PRKN: variants seen among roughly 807,000 people sequenced by gnomAD.
PRKN encodes E3 ubiquitin-protein ligase parkin.
PRKN carries 56 observed loss-of-function variants against 59.5 expected under a neutral mutation model. The ratio of observed to expected loss-of-function variants is 0.94; its 90% CI spans 0.76 to 1.18. The LOEUF is 1.18. Ranked by LOEUF, PRKN falls within the 50% of genes most tolerant of loss-of-function variation. The pLI, the probability that PRKN is intolerant of heterozygous loss-of-function variation, is 0.00. For missense variants in PRKN, 657 were observed against 596.4 expected (o/e 1.10, Z -1.06); for synonymous variants, 250 against 222.1 (o/e 1.13, Z -1.12).
At chr6:162,627,425 C>T (rs1235926604) in intron 1 of PRKN, among the ~76,000 whole-genome samples, 1 of 152,154 alleles carries the variant, frequency 6.6e-6, no homozygotes. Context: ...TTGTGAAGAG[C>T]TCTACGCTGC....
chr6:161,974,681 A>G (rs916629105), intron 5 of PRKN, among the ~76,000 whole-genome samples: 1 of 152,126 alleles, frequency 6.6e-6, no homozygotes, highest in Non-Finnish European at 1.5e-5. Flanking sequence ...GAAAAAAAAA[A>G]TACATATATT....
At chr6:161,915,387 CA>C (rs1323410051) in intron 6 of PRKN, among the ~76,000 whole-genome samples, 2 of 152,018 alleles carry the variant, frequency 1.3e-5, no homozygotes, top group Non-Finnish European at 2.9e-5. Context: ...ATTCTATGTA[CA>C]AAGAGAATCA....
chr6:161,813,580 C>G (rs987730035), intron 6 of PRKN, among the ~76,000 whole-genome samples: 4 of 152,144 alleles, frequency 2.6e-5, no homozygotes, highest in Admixed American at 6.5e-5. Context: ...GCCCCCACCC[C>G]CTATGCCCAT....
intron 5 of PRKN, among the ~76,000 whole-genome samples, chr6:162,025,424 C>T (rs1198530999): frequency 1.3e-5 from 2 of 151,860 alleles, no homozygotes; most frequent in African/African-American, 4.8e-5. Flanking sequence ...AGAAAGTGAG[C>T]CTTTTCTAAT....
At position 161,377,822 on chromosome 6, in the gene PRKN, G is replaced by C. The variant is rs905206586; in HGVS notation, c.1167+8972C>G. The stretch of plus-strand genomic sequence containing the variant: ...CCATGTGAGGGTATAGCTAGAAGAC[G>C]TCATCTACAAACCAAAAAGTGGTCC... On this transcript the variant is annotated intron_variant, in intron 10 of 11. Transcript: ENST00000366898. This position sits in a 1 kb window ranked among gnomAD's most constrained non-coding sequence, Gnocchi z 4.2. Among the ~76,000 whole-genome samples, 1 of 152,112 alleles carries C rather than the reference G, an allele frequency of 6.6e-6. No individual in the cohort carries two copies.
intron 6 of PRKN, among the ~76,000 whole-genome samples, chr6:161,914,435 T>C (rs9347564): frequency 0.061 from 9,288 of 152,208 alleles, 355 homozygotes; most frequent in South Asian, 0.15. Flanking sequence ...TGATTATCTC[T>C]GAGGATAGGG....
intron 2 of PRKN, among the ~76,000 whole-genome samples, chr6:162,297,180 T>C (rs1230079503): frequency 6.6e-6 from 1 of 151,538 alleles, no homozygotes; most frequent in Non-Finnish European, 1.5e-5. Flanking sequence ...TTTTCTTTTT[T>C]TTTTTTTTTG....
chr6:162,626,472 A>G (rs886780597), intron 1 of PRKN, among the ~76,000 whole-genome samples: 2 of 152,156 alleles, frequency 1.3e-5, no homozygotes, highest in Non-Finnish European at 2.9e-5. Flanking sequence ...CTTACATTTC[A>G]CAGATGAAAG....
At chr6:162,265,456 T>C (rs1172197045) in intron 2 of PRKN, among the ~76,000 whole-genome samples, 2 of 152,090 alleles carry the variant, frequency 1.3e-5, no homozygotes, top group African/African-American at 4.8e-5. Flanking sequence ...TTTGGGAGAC[T>C]GGGGTGGGCG....
chr6:161,682,930 G>A (rs953418622), intron 7 of PRKN, among the ~76,000 whole-genome samples: 5 of 152,170 alleles, frequency 3.3e-5, no homozygotes, highest in South Asian at 2.1e-4. Context: ...ACTGTCTCCC[G>A]GCAAGGCTGC....
At chr6:162,707,343 C>G (rs1252167469) in intron 1 of PRKN, among the ~76,000 whole-genome samples, 1 of 152,000 alleles carries the variant, frequency 6.6e-6, no homozygotes, top group Non-Finnish European at 1.5e-5. Flanking sequence ...TGTACTATTG[C>G]TAAATAATAA....
chr6:161,873,760 T>C (rs978021663), intron 6 of PRKN, among the ~76,000 whole-genome samples: 2 of 151,204 alleles, frequency 1.3e-5, no homozygotes, highest in East Asian at 3.9e-4. Flanking sequence ...TTTCCCCTAC[T>C]ATTAACTTGG....
Position 161,578,777 on chromosome 6 carries a change from T to C in PRKN, c.872-9361A>G, listed in dbSNP as rs759622372. Among the ~76,000 whole-genome samples, 7 of 152,214 alleles carry C rather than the reference T, an allele frequency of 4.6e-5. No homozygotes were observed. Among genetic ancestry groups the C allele is most frequent in the Non-Finnish European group, 1.0e-4 (7 of 68,040 alleles). On this transcript the variant is annotated intron_variant, in intron 7 of 11. Transcript: ENST00000366898. This position sits in a 1 kb window ranked among gnomAD's most constrained non-coding sequence, Gnocchi z 4.2. ...TTGAGACAGAGGACAAGGTAGAACATGCAGTAACAAAAGATGAAAAACACT... is the reference window on the plus strand; with the variant it reads ...TTGAGACAGAGGACAAGGTAGAACACGCAGTAACAAAAGATGAAAAACACT...
At chr6:162,717,177 G>A (rs1042099030) in intron 1 of PRKN, among the ~76,000 whole-genome samples, 3 of 152,168 alleles carry the variant, frequency 2.0e-5, no homozygotes, top group African/African-American at 7.2e-5. Flanking sequence ...ATGTGGCCAG[G>A]AGCCAAGGAA....
intron 6 of PRKN, among the ~76,000 whole-genome samples, chr6:161,871,462 T>C (rs1162498566): frequency 1.3e-5 from 2 of 152,144 alleles, no homozygotes; most frequent in Non-Finnish European, 2.9e-5. Flanking sequence ...GAACTCAGGG[T>C]GCAGTTTTTA....
chr6:162,278,950 A>G (rs894809610), intron 2 of PRKN, among the ~76,000 whole-genome samples: 1 of 151,972 alleles, frequency 6.6e-6, no homozygotes. Flanking sequence ...TTTGCTATAA[A>G]TAGATTTTTT....
chr6:162,296,542 A>G (rs1781686865), intron 2 of PRKN, among the ~76,000 whole-genome samples: 1 of 152,064 alleles, frequency 6.6e-6, no homozygotes, highest in Non-Finnish European at 1.5e-5. Context: ...GAAGCAGTGG[A>G]TGCCGCTTAT....
At chr6:162,533,201 T>C (rs1207286985) in intron 1 of PRKN, among the ~76,000 whole-genome samples, 2 of 152,182 alleles carry the variant, frequency 1.3e-5, no homozygotes, top group South Asian at 2.1e-4. Context: ...TACAATGCTA[T>C]TGTTCTCTGG....
At chr6:162,454,221 C>T (rs1006050377) in intron 1 of PRKN, among the ~76,000 whole-genome samples, 4 of 152,176 alleles carry the variant, frequency 2.6e-5, no homozygotes, top group African/African-American at 7.2e-5. Flanking sequence ...GTAATTATCA[C>T]GTCAGTTGTG....
Sources: gnomAD v4.1 joint callset for allele counts (sites outside exome capture counted in the v4.1 genomes callset) on GRCh38, gnomAD v4.1.1 for gene constraint, Gnocchi (gnomAD v3.1) non-coding constraint, MANE v1.5 for transcripts, NCBI Gene and HGNC (gene_info 2026-07-23, HGNC 2026-07-21) for gene names.